BRD2: variants seen among roughly 807,000 people sequenced by gnomAD.
The protein encoded by BRD2 is bromodomain-containing protein 2.
In BRD2, 15 loss-of-function variants were observed where a neutral mutation model predicts 79.1. That is an observed-to-expected ratio of 0.19 (90% confidence interval 0.13 to 0.29). The LOEUF (loss-of-function observed/expected upper bound fraction) is 0.29, where lower values mean the gene tolerates loss of function less well. Among genes scored for constraint, BRD2 ranks in the 10% least tolerant of loss-of-function variants. The pLI, the probability that BRD2 is intolerant of heterozygous loss-of-function variation, is 1.00. For synonymous variants in BRD2, 488 were observed against 358.6 expected, an observed-to-expected ratio of 1.36 and a Z score of -4.08; for missense variants, 1,053 against 991.3, an observed-to-expected ratio of 1.06 and a Z score of -0.84.
chr6:32,976,791 A>G lies in BRD2; in HGVS notation c.1055A>G (p.His352Arg), dbSNP rs1248156317. The G allele has an allele frequency of 5.6e-6, 9 of 1,613,260 alleles. No individual in the cohort carries two copies. The highest frequency in any genetic ancestry group is 1.1e-5 in the South Asian group (1 of 91,088). ...GGAAAGCTTTCAGAACAGTTAAAAC[A>G]TTGCAATGGCATTTTGAAGGAGTTA... ...KKGKLSEQLK[H>R]CNGILKELLS... The change falls in exon 7 of 13, where the codon CAT becomes CGT. Residue 352 changes from histidine to arginine, a missense_variant. This residue lies in a region of BRD2 where 454 missense variants were observed against 430.5 expected (regional missense o/e 1.05). Transcript: ENST00000374825.
At chr6:32,976,209 T>C in intron 5 of BRD2, 40 bp downstream of exon 5, 1 of 1,610,554 alleles carries the variant, frequency 6.2e-7, no homozygotes, top group Non-Finnish European at 8.5e-7. Context: ...CAACTAAAGA[T>C]GGGGAAGAGA....
chr6:32,969,384 G>T, intron 1 of BRD2: 1 of 716,600 alleles, frequency 1.4e-6, no homozygotes, highest in Admixed American at 2.0e-5. Flanking sequence ...GCCGAGGGAG[G>T]GGTGACCTGG....
intron 10 of BRD2, 154 bp from the exon 11 acceptor site, chr6:32,979,674 C>CAGTG (rs1779275859): frequency 2.4e-6 from 2 of 820,138 alleles, no homozygotes; most frequent in Admixed American, 2.9e-5. Context: ...TTTCACTATA[C>CAGTG]AGTGTCCCAG....
intron 3 of BRD2, chr6:32,975,176 A>AG: frequency 1.4e-6 from 2 of 1,390,826 alleles, no homozygotes; most frequent in Non-Finnish European, 2.0e-6. Flanking sequence ...GAAAGGCAGC[A>AG]GGGGCCTCCC....
chr6:32,974,983 T>C (rs1778535671), intron 3 of BRD2: 1 of 1,495,480 alleles, frequency 6.7e-7, no homozygotes, highest in Non-Finnish European at 9.0e-7. Flanking sequence ...CCTCCATGTG[T>C]CCTTCCTTAA....
At position 32,974,667 on chromosome 6, in the gene BRD2, C is replaced by A; in HGVS notation, c.235C>A (p.Leu79Met). Residue 79 changes from leucine (L) to methionine (M), a missense_variant, in exon 3 of 13, where the codon CTG (leucine) becomes ATG (methionine). Physicochemically the swap from Leu to Met is conservative, Grantham distance 15. Around this residue, in one of 5 missense-constraint regions of BRD2, gnomAD observed 413 missense variants for 335.1 expected, o/e 1.23. Coordinates refer to ENST00000374825, the MANE Select transcript of BRD2 (RefSeq NM_005104.4). Reference sequence around the variant, plus strand: ...AAAGCCAGGACGAGTTACCAACCAGCTGCAATACCTACACAAGGTAGTGAT... The same window carrying A: ...AAAGCCAGGACGAGTTACCAACCAGATGCAATACCTACACAAGGTAGTGAT... ...PKKPGRVTNQ[L>M]QYLHKVVMKA... The A allele has an allele frequency of 1.2e-6, 2 of 1,614,256 alleles. No individual in the cohort carries two copies. The highest frequency in any genetic ancestry group is 1.7e-6 in the Non-Finnish European group (2 of 1,180,044).
chr6:32,976,397 C>T lies in BRD2; in HGVS notation c.758C>T (p.Ser253Phe). 6.2e-7 allele frequency: 1 copy of T among 1,612,938 alleles called. No individual in the cohort carries two copies. Among genetic ancestry groups the T allele is most frequent in the Non-Finnish European group, 8.5e-7 (1 of 1,180,030 alleles). The change falls in exon 6 of 13, where the codon TCC becomes TTC. Residue 253 changes from serine to phenylalanine, a missense_variant. Ser to Phe is a radical substitution (Grantham distance 155, BLOSUM62 -2). Transcript: ENST00000374825. ...PSVISSPLLK[S>F]LHSAGPPLLA... ...GTCATTTCCTCTCCACTTCTCAAGTCCTTGCACTCTGCTGGACCCCCGCTC... is the reference window on the plus strand; with the variant it reads ...GTCATTTCCTCTCCACTTCTCAAGTTCTTGCACTCTGCTGGACCCCCGCTC...
rs780917555 is a variant in BRD2 at position 32,974,449 on chromosome 6, C to G, written c.30-13C>G. 3.1e-6 allele frequency: 5 copies of G among 1,600,790 alleles called. No homozygotes were observed. Among genetic ancestry groups the G allele is most frequent in the Admixed American group, 3.4e-5 (2 of 58,962 alleles). On this transcript the variant is annotated splice_polypyrimidine_tract_variant and intron_variant, in intron 2 of 12. Coordinates refer to ENST00000374825, the MANE Select transcript of BRD2 (RefSeq NM_005104.4). ...TGGACGATATTGCCCTAATTTTGTT[C>G]CCATCTTTACAGGCTCCCTGGGGAA...
At position 32,972,773 on chromosome 6, in the gene BRD2, G is replaced by T; in HGVS notation, c.-126G>T. Reference sequence around the variant, plus strand: ...GTGCCGGCCAGGCAGGGGGTTTGTCGCCTGGAGGCCCAAGAGGAACGGCCT... The same window carrying T: ...GTGCCGGCCAGGCAGGGGGTTTGTCTCCTGGAGGCCCAAGAGGAACGGCCT... On this transcript the variant is annotated 5_prime_UTR_variant, in exon 2 of 13. Coordinates refer to ENST00000374825, the MANE Select transcript of BRD2 (RefSeq NM_005104.4). 2.1e-6 allele frequency: 3 copies of T among 1,445,308 alleles called. No homozygotes were observed. Among genetic ancestry groups the T allele is most frequent in the Non-Finnish European group, 2.9e-6 (3 of 1,041,660 alleles). The allele number at this position is 1,445,308 out of a possible 1,614,324, so 89.5% of individuals were successfully genotyped here. A position where few individuals can be genotyped will look rare whatever the true frequency, so the allele number is the denominator to read the frequency against.
In BRD2 at chr6:32,972,120, C is replaced by G. The variant is rs1309778440; in HGVS notation, c.-779C>G. On this transcript the variant is annotated 5_prime_UTR_variant, in exon 2 of 13. An upstream open reading frame in the 5' UTR gains an earlier in-frame stop. Coordinates refer to ENST00000374825, the MANE Select transcript of BRD2 (RefSeq NM_005104.4). ...CGCGCGGAGGGGGTGGGGAAAAGCT[C>G]AAGCAGGGTGGCGCGCATGAGCGGC... 2 of 682,360 alleles carry G rather than the reference C, an allele frequency of 2.9e-6. No individual in the cohort carries two copies. The allele number at this position is 682,360 out of a possible 1,614,324, so 42.3% of individuals were successfully genotyped here.
At chr6:32,974,213 G>C (rs928298617) in intron 2 of BRD2, among the ~76,000 whole-genome samples, 1 of 152,114 alleles carries the variant, frequency 6.6e-6, no homozygotes, top group Non-Finnish European at 1.5e-5. Flanking sequence ...ATATGAAAAA[G>C]AACAGATAGA....
In BRD2 at chr6:32,972,549, A is replaced by C; in HGVS notation, c.-350A>C. 2.5e-6 allele frequency: 1 copy of C among 394,954 alleles called. No homozygotes were observed. The highest frequency in any genetic ancestry group is 4.6e-6 in the Non-Finnish European group (1 of 216,882). 24.5% of individuals were successfully genotyped at this position (394,954 alleles called of 1,614,324 possible). ...CTCGTCGGCCCCGTAGGGGCCCGAC[A>C]AGAAGAGGGAATCCCTGCAGACCAA... On this transcript the variant is annotated 5_prime_UTR_variant, in exon 2 of 13. Coordinates refer to ENST00000374825, the MANE Select transcript of BRD2 (RefSeq NM_005104.4).
At position 32,978,399 on chromosome 6, in the gene BRD2, G is replaced by C; in HGVS notation, c.1841+11G>C. 1 of 1,608,178 alleles carries C rather than the reference G, an allele frequency of 6.2e-7. No homozygotes were observed. The highest frequency in any genetic ancestry group is 8.5e-7 in the Non-Finnish European group (1 of 1,177,814). On this transcript the variant is annotated intron_variant, in intron 10 of 12. Transcript: ENST00000374825. Reference sequence around the variant, plus strand: ...AGGAAGTGGCACCAAGTGAGTTAGAGTAGGAAGCAGAGACTAGTTTGGCTA... The same window carrying C: ...AGGAAGTGGCACCAAGTGAGTTAGACTAGGAAGCAGAGACTAGTTTGGCTA...
At chr6:32,980,287 CATA>C in intron 11 of BRD2, 52 bp from the exon 12 acceptor site, 1 of 1,603,882 alleles carries the variant, frequency 6.2e-7, no homozygotes, top group Non-Finnish European at 8.5e-7. Context: ...CTTAGGGGCC[CATA>C]ATAAGATGCT....
chr6:32,979,636 C>T lies in BRD2; in HGVS notation c.1842-192C>T, dbSNP rs927048835. The T allele has an allele frequency of 2.3e-5, 12 of 511,754 alleles. No homozygotes were observed. The Admixed American group carries it at 3.9e-4, about 17-fold the overall frequency. The allele number at this position is 511,754 out of a possible 1,614,324, so 31.7% of individuals were successfully genotyped here. On this transcript the variant is annotated intron_variant, in intron 10 of 12. Transcript: ENST00000374825. ...TTGTCTTTTTAAAGACATGTTATTGCCTACTTACAGTCGAGCAAAATGCTC... is the reference window on the plus strand; with the variant it reads ...TTGTCTTTTTAAAGACATGTTATTGTCTACTTACAGTCGAGCAAAATGCTC...
At chr6:32,977,634 G>A (rs1372341096) in intron 8 of BRD2, 64 bp downstream of exon 8, 11 of 1,604,594 alleles carry the variant, frequency 6.9e-6, no homozygotes, top group Admixed American at 1.7e-5. Context: ...CATGTGTGCT[G>A]CATAGCCTCA....
chr6:32,977,977 C>G lies in BRD2; in HGVS notation c.1550C>G (p.Ala517Gly), dbSNP rs202033057. Reference protein sequence around the residue: ...SESSDSEEERAHRLAELQEQL... With the variant: ...SESSDSEEERGHRLAELQEQL... ...AGCTCAGACTCAGAGGAAGAAAGGG[C>G]TCATCGCTTAGCAGAACTACAGGAA... Residue 517 changes from alanine to glycine, a missense_variant, in exon 9 of 13, where the codon GCT becomes GGT. Transcript: ENST00000374825. The G allele has an allele frequency of 3.7e-6, 6 of 1,611,268 alleles. No individual in the cohort carries two copies. The highest frequency in any genetic ancestry group is 5.1e-6 in the Non-Finnish European group (6 of 1,180,020).
At position 32,972,564 on chromosome 6, in the gene BRD2, C is replaced by G. The variant is rs570183422; in HGVS notation, c.-335C>G. On this transcript the variant is annotated 5_prime_UTR_variant, in exon 2 of 13. Coordinates refer to ENST00000374825, the MANE Select transcript of BRD2 (RefSeq NM_005104.4). ...GGGGCCCGACAAGAAGAGGGAATCC[C>G]TGCAGACCAACAGCGGGCTATATTG... 13 of 474,666 alleles carry G rather than the reference C, an allele frequency of 2.7e-5. No individual in the cohort carries two copies. Among genetic ancestry groups the G allele is most frequent in the Admixed American group, 1.1e-4 (3 of 26,396 alleles). The allele number at this position is 474,666 out of a possible 1,614,324, so 29.4% of individuals were successfully genotyped here.
At chr6:32,978,026 G>GT in intron 9 of BRD2, 21 bp downstream of exon 9, 1 of 1,606,910 alleles carries the variant, frequency 6.2e-7, no homozygotes, top group Admixed American at 1.7e-5. Flanking sequence ...ACTCTTGAAA[G>GT]TTTTTATTGG....
Sources: allele counts gnomAD v4.1 joint callset (sites outside exome capture counted in the v4.1 genomes callset), GRCh38; gene constraint gnomAD v4.1.1; regional missense constraint gnomAD v4.1.1; transcripts MANE v1.5; gene names NCBI Gene and HGNC (gene_info 2026-07-23, HGNC 2026-07-21).